Variants in TEAD4 observed in about 807,000 individuals in gnomAD.
TEAD4 encodes the protein TEA domain transcription factor 4.
Under a neutral mutation model 52.4 loss-of-function variants are expected in TEAD4, and 36 were observed. The ratio of observed to expected loss-of-function variants is 0.69; its 90% CI spans 0.53 to 0.91. TEAD4 has a LOEUF of 0.91. Ranked by LOEUF, TEAD4 falls within the 40% of genes least tolerant of loss-of-function variation. The pLI is 0.00. For synonymous variants in TEAD4, 220 were observed against 231.0 expected, an observed-to-expected ratio of 0.95 and a Z score of 0.43; for missense variants, 508 against 583.9, an observed-to-expected ratio of 0.87 and a Z score of 1.34.
chr12:2,978,541 C>G (rs1248344709), intron 2 of TEAD4, among the ~76,000 whole-genome samples: 1 of 151,780 alleles, frequency 6.6e-6, no homozygotes, highest in Non-Finnish European at 1.5e-5. Flanking sequence ...GTAGCTGGGA[C>G]TATAGGCCTG....
intron 2 of TEAD4, among the ~76,000 whole-genome samples, chr12:2,980,855 C>T (rs1171032056): frequency 2.6e-5 from 4 of 152,124 alleles, no homozygotes; most frequent in African/African-American, 9.7e-5. Flanking sequence ...AGGTCAAGAG[C>T]GAAACTCCAT....
chr12:2,980,873 A>G (rs554307177), intron 2 of TEAD4, among the ~76,000 whole-genome samples: 22 of 152,328 alleles, frequency 1.4e-4, no homozygotes, highest in African/African-American at 5.3e-4. Flanking sequence ...CATCTCAAGA[A>G]AAAAGCAGCA....
rs748114401 is a variant in TEAD4, at chr12:3,021,876, G to C, written c.756G>C (p.Gln252His). 1 of 1,614,104 alleles carries C rather than the reference G, an allele frequency of 6.2e-7. No individual in the cohort carries two copies. Among genetic ancestry groups the C allele is most frequent in the Non-Finnish European group, 8.5e-7 (1 of 1,180,046 alleles). Residue 252 changes from glutamine (Q) to histidine (H), a missense_variant, in exon 10 of 13, where the codon CAG becomes CAC. Transcript: ENST00000359864. ...AGCACCTGTTCGTGCACATTGGCCA[G>C]TCCAGCCCAAGCTACAGCGACCCCT...
intron 10 of TEAD4, among the ~76,000 whole-genome samples, chr12:3,035,083 A>G (rs1196531442): frequency 1.3e-5 from 2 of 151,392 alleles, no homozygotes; most frequent in East Asian, 3.9e-4. Context: ...CCCAGGCGAC[A>G]GAGCGAGATT....
chr12:3,034,804 T>C (rs117147960), intron 10 of TEAD4, among the ~76,000 whole-genome samples: 3,246 of 151,720 alleles, frequency 0.021, 54 homozygotes, highest in Middle Eastern at 0.058. Context: ...ATATGGAAAA[T>C]AGTTATAGGC....
At chr12:2,995,141 A>C (rs1370814778) in intron 3 of TEAD4, 149 bp downstream of exon 3, 7 of 770,734 alleles carry the variant, frequency 9.1e-6, no homozygotes, top group Admixed American at 6.7e-5. Context: ...TGGGCTCCCA[A>C]GGGATGGGGG....
At chr12:3,023,591 G>A (rs2153957639) in intron 10 of TEAD4, among the ~76,000 whole-genome samples, 1 of 150,430 alleles carries the variant, frequency 6.6e-6, no homozygotes, top group Non-Finnish European at 1.5e-5. Context: ...TTCAAGAACA[G>A]CTTGACTAAC....
At chr12:2,973,833 A>T (rs969642661) in intron 2 of TEAD4, among the ~76,000 whole-genome samples, 8 of 152,096 alleles carry the variant, frequency 5.3e-5, no homozygotes, top group African/African-American at 1.9e-4. Context: ...AAACCGGATG[A>T]TCGTGCCTTC....
intron 3 of TEAD4, among the ~76,000 whole-genome samples, chr12:3,008,979 T>G (rs1411542445): frequency 6.6e-6 from 1 of 152,216 alleles, no homozygotes; most frequent in Non-Finnish European, 1.5e-5. Flanking sequence ...GTCTCTGAGC[T>G]GGGTTACTTA....
intron 10 of TEAD4, among the ~76,000 whole-genome samples, chr12:3,032,339 G>A (rs376692595): frequency 2.1e-4 from 32 of 152,248 alleles, no homozygotes; most frequent in Admixed American, 9.2e-4. Context: ...CGGACCCAGC[G>A]CGGCCCTCGG....
intron 10 of TEAD4, among the ~76,000 whole-genome samples, chr12:3,031,696 C>T (rs529414962): frequency 5.9e-5 from 9 of 152,188 alleles, no homozygotes; most frequent in African/African-American, 1.2e-4. Flanking sequence ...TACAGTCACA[C>T]GTCTCATCCT....
intron 11 of TEAD4, among the ~76,000 whole-genome samples, chr12:3,038,693 G>A: frequency 6.6e-6 from 1 of 152,220 alleles, no homozygotes; most frequent in Non-Finnish European, 1.5e-5. Context: ...GGGCAGTGGT[G>A]AGGAGCATAA....
intron 2 of TEAD4, among the ~76,000 whole-genome samples, chr12:2,992,402 TCTC>T (rs2098243867): frequency 6.6e-6 from 1 of 152,050 alleles, no homozygotes; most frequent in African/African-American, 2.4e-5. Context: ...CCTTTTGACC[TCTC>T]CTCCTGGGAT....
intron 2 of TEAD4, among the ~76,000 whole-genome samples, chr12:2,968,606 T>C (rs965353695): frequency 3.3e-5 from 5 of 151,850 alleles, no homozygotes; most frequent in Non-Finnish European, 5.9e-5. Context: ...TTATTTTTCA[T>C]AGAGACAGGA....
chr12:3,008,792 G>A (rs2098257887), intron 3 of TEAD4, among the ~76,000 whole-genome samples: 1 of 152,204 alleles, frequency 6.6e-6, no homozygotes, highest in Non-Finnish European at 1.5e-5. Context: ...AGGAAAGACA[G>A]ACATGGATAA....
chr12:2,966,747 C>T (rs554645367), intron 2 of TEAD4, among the ~76,000 whole-genome samples: 8 of 150,176 alleles, frequency 5.3e-5, no homozygotes, highest in African/African-American at 1.7e-4. Context: ...CGCCCTATTG[C>T]CTAGGCCGGA....
chr12:3,011,142 C>T, intron 4 of TEAD4, 74 bp downstream of exon 4: 1 of 1,540,456 alleles, frequency 6.5e-7, no homozygotes, highest in Non-Finnish European at 9.0e-7. Context: ...GTGGGCCAGG[C>T]CCTCCCAGGA....
At chr12:2,982,853 G>T (rs1465397340) in intron 2 of TEAD4, among the ~76,000 whole-genome samples, 1 of 152,180 alleles carries the variant, frequency 6.6e-6, no homozygotes, top group Admixed American at 6.5e-5. Context: ...AGGAGTCTTT[G>T]GTTCTCCCCA....
At chr12:3,004,807 G>A (rs1387449033) in intron 3 of TEAD4, among the ~76,000 whole-genome samples, 1 of 152,212 alleles carries the variant, frequency 6.6e-6, no homozygotes, top group Non-Finnish European at 1.5e-5. Flanking sequence ...TGTGTGTAAA[G>A]CCTGGATTAG....
Sources: allele counts gnomAD v4.1 joint callset (sites outside exome capture counted in the v4.1 genomes callset), GRCh38; gene constraint gnomAD v4.1.1; transcripts MANE v1.5; gene names NCBI Gene and HGNC (gene_info 2026-07-23, HGNC 2026-07-21).